The following MYO5B variants were observed in gnomAD, a reference collection of about 807,000 sequenced individuals.
The protein encoded by MYO5B is myosin VB.
Under a neutral mutation model 229.3 loss-of-function variants are expected in MYO5B, and 143 were observed. The observed-to-expected ratio is 0.62, with a 90% CI of 0.54 to 0.72. The LOEUF is 0.72. Among genes scored for constraint, MYO5B ranks in the 30% least tolerant of loss-of-function variants. The probability of loss-of-function intolerance (pLI) is 0.00; values close to 1 mark genes in which losing one functional copy is unlikely to be tolerated. For synonymous variants in MYO5B, 918 were observed against 885.2 expected (o/e 1.04, Z -0.66); for missense variants, 2,321 against 2,331.0 (o/e 1.00, Z 0.09).
At chr18:49,831,133 T>A (rs1378995804) in intron 39 of MYO5B, among the ~76,000 whole-genome samples, 1 of 152,234 alleles carries the variant, frequency 6.6e-6, no homozygotes, top group East Asian at 1.9e-4. Flanking sequence ...TTATACCATA[T>A]ACAAAAATTA....
intron 1 of MYO5B, among the ~76,000 whole-genome samples, chr18:50,160,290 G>GC (rs2032746065): frequency 6.6e-6 from 1 of 152,244 alleles, no homozygotes; most frequent in African/African-American, 2.4e-5. Context: ...GGGCAAGGCT[G>GC]TGGAGCAGAC....
At chr18:50,163,345 C>T (rs1254600851) in intron 1 of MYO5B, among the ~76,000 whole-genome samples, 1 of 151,710 alleles carries the variant, frequency 6.6e-6, no homozygotes, top group Non-Finnish European at 1.5e-5. Context: ...CTCCACTCTC[C>T]CAGGAGAGGG....
chr18:50,052,456 C>CA lies in MYO5B; in HGVS notation c.138+2811dup, dbSNP rs537917801. Among the ~76,000 whole-genome samples the CA allele has an allele frequency of 1.4e-4, 20 of 147,210 alleles. No homozygotes were observed. In the South Asian group the frequency reaches 3.1e-3, roughly 23 times the overall value. Reference sequence around the variant, plus strand: ...CATTCTCAGTAAACTATCACAAGGACAAAAAACCAAACACCGCATGTTCTC... The same window carrying CA: ...CATTCTCAGTAAACTATCACAAGGACAAAAAAACCAAACACCGCATGTTCTC... On this transcript the variant is annotated intron_variant, in intron 2 of 39. Coordinates refer to ENST00000285039, the MANE Select transcript of MYO5B (RefSeq NM_001080467.3).
At chr18:49,909,523 A>C (rs1350714474) in intron 18 of MYO5B, among the ~76,000 whole-genome samples, 1 of 152,246 alleles carries the variant, frequency 6.6e-6, no homozygotes, top group Non-Finnish European at 1.5e-5. Context: ...AGTCATGAGC[A>C]GCTCTTGGCT....
chr18:50,099,947 G>C (rs1249229022), intron 1 of MYO5B, among the ~76,000 whole-genome samples: 1 of 152,054 alleles, frequency 6.6e-6, no homozygotes, highest in Non-Finnish European at 1.5e-5. Context: ...ACTGGACATA[G>C]GACCAGGGCT....
chr18:49,977,888 G>A (rs1002668684), intron 9 of MYO5B, among the ~76,000 whole-genome samples: 6 of 152,168 alleles, frequency 3.9e-5, no homozygotes, highest in African/African-American at 1.2e-4. Context: ...GAGGCAGGTG[G>A]TTATCCACAC....
rs540172275 is a variant in MYO5B at position 50,006,040 on chromosome 18, T to C, written c.456-4629A>G. ...GGTCATTTCACCTGCCGTGTGACTT[T>C]GGGTTGCTTCTGTTTTCTGGCCCTC... On this transcript the variant is annotated intron_variant, in intron 4 of 39. Transcript: ENST00000285039. 1.8e-3 allele frequency among the ~76,000 whole-genome samples: 276 copies of C among 152,330 alleles called. 1 individual carries two copies. Among genetic ancestry groups the C allele is most frequent in the Non-Finnish European group, 4.4e-4 (30 of 68,030 alleles).
At position 50,044,381 on chromosome 18, in the gene MYO5B, C is replaced by A. The variant is rs191196547; in HGVS notation, c.139-4067G>T. Among the ~76,000 whole-genome samples the A allele has an allele frequency of 2.1e-3, 322 of 152,262 alleles. 2 individuals carry two copies. The highest frequency in any genetic ancestry group is 7.5e-3 in the African/African-American group (311 of 41,558). The stretch of plus-strand genomic sequence containing the variant: ...ATGACTTAGTGATCGCAGCCATGAA[C>A]TTTCTGGCACAAAAGATTCCATCCA... On this transcript the variant is annotated intron_variant, in intron 2 of 39. Coordinates refer to ENST00000285039, the MANE Select transcript of MYO5B (RefSeq NM_001080467.3).
intron 10 of MYO5B, among the ~76,000 whole-genome samples, chr18:49,970,136 A>T (rs1327367608): frequency 1.3e-5 from 2 of 152,262 alleles, no homozygotes; most frequent in African/African-American, 4.8e-5. Flanking sequence ...AGAGAGGCAA[A>T]TGCAGGTTAA....
intron 14 of MYO5B, among the ~76,000 whole-genome samples, chr18:49,946,965 C>T (rs184124517): frequency 7.3e-4 from 60 of 82,502 alleles, no homozygotes; most frequent in Admixed American, 3.5e-3. Flanking sequence ...CGCAAAAGAC[C>T]CAGGCAAGAA....
intron 1 of MYO5B, among the ~76,000 whole-genome samples, chr18:50,109,424 T>A (rs2144514507): frequency 7.0e-6 from 1 of 143,798 alleles, no homozygotes; most frequent in East Asian, 2.1e-4. Flanking sequence ...GTCATGATTT[T>A]TCTTTTTTTT....
intron 14 of MYO5B, among the ~76,000 whole-genome samples, chr18:49,947,779 T>C (rs192787876): frequency 6.6e-6 from 1 of 152,348 alleles, no homozygotes; most frequent in East Asian, 1.9e-4. Flanking sequence ...AGGGACTGGC[T>C]TTGGTATTCT....
chr18:50,029,012 T>C (rs1754002425), intron 4 of MYO5B, among the ~76,000 whole-genome samples: 1 of 152,196 alleles, frequency 6.6e-6, no homozygotes, highest in Admixed American at 6.5e-5. Flanking sequence ...TAAAAGGAGA[T>C]GGCAATATCC....
Position 49,962,391 on chromosome 18 carries a change from C to G in MYO5B, c.1420G>C (p.Glu474Gln). The G allele has an allele frequency of 1.2e-6, 2 of 1,614,136 alleles. No homozygotes were observed. Among genetic ancestry groups the G allele is most frequent in the Non-Finnish European group, 8.5e-7 (1 of 1,180,024 alleles). Residue 474 changes from glutamate (E) to glutamine (Q), a missense_variant, in exon 12 of 40, where the codon GAG (glutamate) becomes CAG (glutamine). Around this residue, in one of 2 missense-constraint regions of MYO5B, gnomAD observed 2,113 missense variants for 2,044.7 expected, o/e 1.03. Coordinates refer to ENST00000285039, the MANE Select transcript of MYO5B (RefSeq NM_001080467.3). ...QQFNSHVFKL[E>Q]QEEYMKEQIP... ...TGTTCCTTCATGTATTCTTCTTGCT[C>G]CAGTTTGAAAACATGCTAGGGCAAG...
At chr18:49,948,423 A>G (rs528334583) in intron 14 of MYO5B, among the ~76,000 whole-genome samples, 129 of 152,248 alleles carry the variant, frequency 8.5e-4, no homozygotes, top group South Asian at 4.8e-3. Context: ...GGAAGACAAC[A>G]TGGACTCTCC....
Position 49,942,095 on chromosome 18 carries a change from C to G in MYO5B, c.1753-4698G>C, listed in dbSNP as rs546904768. On this transcript the variant is annotated intron_variant, in intron 14 of 39. Coordinates refer to ENST00000285039, the MANE Select transcript of MYO5B (RefSeq NM_001080467.3). Reference sequence around the variant, plus strand: ...AAAACAAGCAACGGGGAAAGGATTCCCTATTTAACAAATAGTGCTGGGAAA... The same window carrying G: ...AAAACAAGCAACGGGGAAAGGATTCGCTATTTAACAAATAGTGCTGGGAAA... Among the ~76,000 whole-genome samples, 26 of 146,988 alleles carry G rather than the reference C, an allele frequency of 1.8e-4. No homozygotes were observed. The Middle Eastern group carries it at 0.01, about 58-fold the overall frequency.
At chr18:50,010,525 T>A (rs542002809) in intron 4 of MYO5B, among the ~76,000 whole-genome samples, 1 of 152,368 alleles carries the variant, frequency 6.6e-6, no homozygotes, top group South Asian at 2.1e-4. Context: ...GATCTCCTGC[T>A]ACTCCTATAT....
rs189586942 is a variant in MYO5B at position 49,867,354 on chromosome 18, T to C, written c.3604-2974A>G. 9.9e-5 allele frequency among the ~76,000 whole-genome samples: 15 copies of C among 152,278 alleles called. No individual in the cohort carries two copies. The East Asian group carries it at 2.7e-3, about 27-fold the overall frequency. ...AAGATGGGGTTTCAGGGTTCAGATGTGTGCAGCTGTAGTCCCCACGGCGCA... is the reference window on the plus strand; with the variant it reads ...AAGATGGGGTTTCAGGGTTCAGATGCGTGCAGCTGTAGTCCCCACGGCGCA... On this transcript the variant is annotated intron_variant, in intron 27 of 39. Coordinates refer to ENST00000285039, the MANE Select transcript of MYO5B (RefSeq NM_001080467.3).
chr18:50,064,416 T>G (rs976904009), intron 1 of MYO5B: 2 of 152,246 alleles, frequency 1.3e-5, no homozygotes, highest in Non-Finnish European at 2.9e-5. Context: ...TCCAATCAAG[T>G]AGCTAAAACT....
Sources: gnomAD v4.1 joint callset for allele counts (sites outside exome capture counted in the v4.1 genomes callset) on GRCh38, gnomAD v4.1.1 for gene constraint, gnomAD v4.1.1 regional missense constraint, MANE v1.5 for transcripts, NCBI Gene and HGNC (gene_info 2026-07-23, HGNC 2026-07-21) for gene names.